The following MICAL2 variants were observed in gnomAD, a reference collection of about 807,000 sequenced individuals.
The protein encoded by MICAL2 is microtubule associated monooxygenase, calponin and LIM domain containing 2.
In MICAL2, 77 loss-of-function variants were observed where a neutral mutation model predicts 127.3. The ratio of observed to expected loss-of-function variants is 0.60; its 90% CI spans 0.50 to 0.73. The LOEUF is 0.73. MICAL2 is among the 30% of genes least tolerant of loss of function. The probability of loss-of-function intolerance (pLI) is 0.00; values close to 1 mark genes in which losing one functional copy is unlikely to be tolerated. For missense variants in MICAL2, 1,351 were observed against 1,434.4 expected, an observed-to-expected ratio of 0.94 and a Z score of 0.94; for synonymous variants, 570 against 551.1, an observed-to-expected ratio of 1.03 and a Z score of -0.48.
Position 12,219,984 on chromosome 11 carries a change from G to A in MICAL2, c.949-217G>A, listed in dbSNP as rs539474692. Among the ~76,000 whole-genome samples the A allele has an allele frequency of 3.1e-4, 47 of 152,324 alleles. 2 individuals carry two copies. The South Asian group carries it at 9.5e-3, about 31-fold the overall frequency. ...ATTTCCCTTTTGCCTTGGATGCCAG[G>A]AAGCTCAATGCCAAATTTGATGCTT... On this transcript the variant is annotated intron_variant, in intron 8 of 27. Coordinates refer to ENST00000683283, the MANE Select transcript of MICAL2 (RefSeq NM_001282663.2).
At chr11:12,225,352 T>C (rs1243882250) in intron 13 of MICAL2, among the ~76,000 whole-genome samples, 1 of 152,230 alleles carries the variant, frequency 6.6e-6, no homozygotes, top group African/African-American at 2.4e-5. Context: ...TGCTAAAGCA[T>C]GGTGCATCTG....
intron 3 of MICAL2, among the ~76,000 whole-genome samples, chr11:12,168,855 G>T (rs1855871601): frequency 6.6e-6 from 1 of 151,252 alleles, no homozygotes; most frequent in African/African-American, 2.4e-5. Context: ...GCTGAGGTGG[G>T]AGGATCGCTT....
intron 6 of MICAL2, 139 bp downstream of exon 6, chr11:12,209,737 C>A: frequency 1.4e-6 from 1 of 730,644 alleles, no homozygotes; most frequent in Non-Finnish European, 2.4e-6. Context: ...ACCATCCTGT[C>A]CCTCTTGAGG....
chr11:12,277,400 C>T (rs1863733471), intron 1 of MICAL2, among the ~76,000 whole-genome samples: 1 of 152,144 alleles, frequency 6.6e-6, no homozygotes, highest in Non-Finnish European at 1.5e-5. Flanking sequence ...AGGGGAAGAG[C>T]TGCAAAGCCC....
At chr11:12,229,195 C>T (rs755907550) in intron 15 of MICAL2, among the ~76,000 whole-genome samples, 5 of 152,178 alleles carry the variant, frequency 3.3e-5, no homozygotes, top group African/African-American at 4.8e-5. Flanking sequence ...GATGCTGCAG[C>T]GGCTGTTTTG....
intron 26 of MICAL2, chr11:12,261,242 T>G: frequency 1.0e-6 from 1 of 985,454 alleles, no homozygotes; most frequent in Non-Finnish European, 1.2e-6. Context: ...GCCACACATA[T>G]GTGGTCAAAA....
intron 3 of MICAL2, among the ~76,000 whole-genome samples, chr11:12,166,796 A>AG (rs1855552995): frequency 1.3e-5 from 2 of 152,276 alleles, no homozygotes; most frequent in South Asian, 4.1e-4. Context: ...TGACTGTGAC[A>AG]GGGGTAGTCT....
At chr11:12,326,536 C>G (rs1251778651) in intron 31 of MICAL2, among the ~76,000 whole-genome samples, 1 of 152,182 alleles carries the variant, frequency 6.6e-6, no homozygotes, top group South Asian at 2.1e-4. Context: ...CATCTTGTGT[C>G]TCACCTTAAT....
chr11:12,221,686 G>C lies in MICAL2; in HGVS notation c.1249G>C (p.Ala417Pro). ...MGTGCARGFL[A>P]AFDTAWMVKS... is the part of the protein sequence containing the mutation. ...TACAGGCTGTGCCCGTGGCTTCCTG[G>C]CAGCCTTTGACACGGCATGGATGGT... Residue 417 changes from alanine (A) to proline (P), a missense_variant, in exon 10 of 28, where the codon GCA (alanine) becomes CCA (proline). By Grantham distance (27) the Ala-to-Pro change is conservative (BLOSUM62 -1). Coordinates refer to ENST00000683283, the MANE Select transcript of MICAL2 (RefSeq NM_001282663.2). 6.2e-7 allele frequency: 1 copy of C among 1,613,782 alleles called. No individual in the cohort carries two copies. The highest frequency in any genetic ancestry group is 8.5e-7 in the Non-Finnish European group (1 of 1,179,836).
At chr11:12,164,254 G>T (rs2016398) in intron 3 of MICAL2, among the ~76,000 whole-genome samples, 22,842 of 152,176 alleles carry the variant, frequency 0.15, 2,217 homozygotes, top group Admixed American at 0.2. Context: ...CTTTTGTTAG[G>T]GATGCTGGGT....
At chr11:12,173,555 G>A (rs961980791) in intron 3 of MICAL2, among the ~76,000 whole-genome samples, 17 of 152,152 alleles carry the variant, frequency 1.1e-4, no homozygotes, top group Non-Finnish European at 2.1e-4. Context: ...TAACAAATTT[G>A]TCATCTCAAC....
chr11:12,141,184 T>G (rs1309913146), intron 2 of MICAL2, among the ~76,000 whole-genome samples: 1 of 152,162 alleles, frequency 6.6e-6, no homozygotes, highest in African/African-American at 2.4e-5. Context: ...GTCAACAGAA[T>G]AGAGTAGAAA....
intron 3 of MICAL2, among the ~76,000 whole-genome samples, chr11:12,199,107 T>C (rs1311092983): frequency 2.0e-5 from 3 of 152,190 alleles, no homozygotes; most frequent in Non-Finnish European, 4.4e-5. Flanking sequence ...AGCTTATTTG[T>C]TATGTGACTT....
intron 2 of MICAL2, chr11:12,153,080 G>A (rs1853778129): frequency 6.6e-6 from 1 of 152,024 alleles, no homozygotes; most frequent in Non-Finnish European, 1.5e-5. Flanking sequence ...ACCCAGGCTG[G>A]AGTGCAGTGG....
chr11:12,184,438 A>G (rs1857899846), intron 3 of MICAL2, among the ~76,000 whole-genome samples: 1 of 152,200 alleles, frequency 6.6e-6, no homozygotes, highest in South Asian at 2.1e-4. Flanking sequence ...GAGGCCGAAA[A>G]TGTGGTAGTC....
At chr11:12,148,777 C>T (rs1853242233) in intron 2 of MICAL2, among the ~76,000 whole-genome samples, 1 of 152,114 alleles carries the variant, frequency 6.6e-6, no homozygotes, top group Admixed American at 6.5e-5. Context: ...TGTGCAAAAC[C>T]ATCATACAAA....
At chr11:12,180,618 A>C (rs1459708495) in intron 3 of MICAL2, among the ~76,000 whole-genome samples, 1 of 152,154 alleles carries the variant, frequency 6.6e-6, no homozygotes, top group East Asian at 1.9e-4. Context: ...TTTGATTTGC[A>C]CAATAACTCT....
At chr11:12,281,020 T>C in exon 2 of MICAL2, 1 of 399,106 alleles carries the variant, frequency 2.5e-6, no homozygotes, top group Middle Eastern at 6.3e-4. Context: ...GATCCCCGCA[T>C]CTACCGCACA....
intron 21 of MICAL2, among the ~76,000 whole-genome samples, chr11:12,248,118 C>G (rs1861007584): frequency 6.6e-6 from 1 of 152,214 alleles, no homozygotes; most frequent in African/African-American, 2.4e-5. Flanking sequence ...ACTTGAGTTG[C>G]TGACTCCAAG....
Sources: allele counts gnomAD v4.1 joint callset (sites outside exome capture counted in the v4.1 genomes callset), GRCh38; gene constraint gnomAD v4.1.1; transcripts MANE v1.5; gene names NCBI Gene and HGNC (gene_info 2026-07-23, HGNC 2026-07-21).